KLHDC2: variants seen among roughly 807,000 people sequenced by gnomAD.
KLHDC2 encodes the protein kelch domain-containing protein 2.
KLHDC2 carries 38 observed loss-of-function variants against 62.3 expected under a neutral mutation model. That is an observed-to-expected ratio of 0.61 (90% CI 0.47 to 0.80). The LOEUF (loss-of-function observed/expected upper bound fraction) is 0.80, where lower values mean the gene tolerates loss of function less well. Ranked by LOEUF, KLHDC2 falls within the 30% of genes least tolerant of loss-of-function variation. The pLI is 0.00. For missense variants in KLHDC2, 430 were observed against 495.3 expected, an observed-to-expected ratio of 0.87 and a Z score of 1.25; for synonymous variants, 159 against 161.0, an observed-to-expected ratio of 0.99 and a Z score of 0.09.
chr14:49,782,910 G>A lies in KLHDC2; in HGVS notation c.1178G>A (p.Ser393Asn), dbSNP rs1566639739. The change falls in exon 13 of 13, where the codon AGT becomes AAT. Residue 393 changes from serine to asparagine, a missense_variant. By Grantham distance (46) the Ser-to-Asn change is conservative. Transcript: ENST00000298307. The stretch of plus-strand genomic sequence containing the variant: ...TGCCTTCCAAAACACTTACTTCACA[G>A]TGTTAATCAGAGGTTTGGTAGTAAC... The part of the protein sequence containing the change: ...WNCLPKHLLH[S>N]VNQRFGSNNT... 6.2e-7 allele frequency: 1 copy of A among 1,613,646 alleles called. No individual in the cohort carries two copies. Among genetic ancestry groups the A allele is most frequent in the Non-Finnish European group, 8.5e-7 (1 of 1,179,798 alleles).
In KLHDC2 at chr14:49,785,014, C is replaced by G; in HGVS notation, c.*2061C>G. On this transcript the variant is annotated 3_prime_UTR_variant, in exon 13 of 13. Transcript: ENST00000298307. ...AAGGCTGTTTTTGCAGCTGTAAATA[C>G]AAAAAAGAGTAAGAATAATCTACTG... 1 of 1,611,278 alleles carries G rather than the reference C, an allele frequency of 6.2e-7. No homozygotes were observed. Among genetic ancestry groups the G allele is most frequent in the Non-Finnish European group, 8.5e-7 (1 of 1,178,264 alleles).
At chr14:49,775,777 T>A (rs1010771650) in intron 3 of KLHDC2, among the ~76,000 whole-genome samples, 8 of 151,950 alleles carry the variant, frequency 5.3e-5, no homozygotes, top group African/African-American at 1.7e-4. Context: ...CAGGCATGCA[T>A]CACTACGCCC....
intron 5 of KLHDC2, 60 bp downstream of exon 5, chr14:49,778,319 T>C: frequency 7.3e-7 from 1 of 1,365,228 alleles, no homozygotes; most frequent in South Asian, 1.2e-5. Context: ...ATACATTTTA[T>C]AAGTTTTGTG....
At position 49,784,634 on chromosome 14, in the gene KLHDC2, A is replaced by C. The variant is rs774768175; in HGVS notation, c.*1681A>C. The C allele has an allele frequency of 1.9e-6, 3 of 1,600,036 alleles. No homozygotes were observed. In the African/African-American group the frequency reaches 4.0e-5, roughly 21 times the overall value. The stretch of plus-strand genomic sequence containing the variant: ...CTCAAATATTTTAGAATTTCATTTC[A>C]GCTATTTCCTTTTTACGTTCAGAAG... On this transcript the variant is annotated 3_prime_UTR_variant, in exon 13 of 13. Transcript: ENST00000298307.
intron 1 of KLHDC2, among the ~76,000 whole-genome samples, chr14:49,771,347 TAA>T (rs34165615): frequency 4.9e-5 from 7 of 141,956 alleles, no homozygotes; most frequent in Admixed American, 7.0e-5. Context: ...AGACTTGGAC[TAA>T]AAAAAAAAAA....
chr14:49,777,843 A>G lies in KLHDC2; in HGVS notation c.356A>G (p.Tyr119Cys). 3.2e-6 allele frequency: 5 copies of G among 1,545,298 alleles called. No homozygotes were observed. Among genetic ancestry groups the G allele is most frequent in the Non-Finnish European group, 2.6e-6 (3 of 1,133,688 alleles). ...HHSRGNTNKFYMLDSRSTDRV... is the reference protein window; with the variant it reads ...HHSRGNTNKFCMLDSRSTDRV... ...TGAAATCATTGCTTCTGACAGTTCT[A>G]CATGCTGGATTCAAGGTCTACAGAC... Residue 119 changes from tyrosine (Y) to cysteine (C), a missense_variant, in exon 4 of 13, where the codon TAC becomes TGC. Transcript: ENST00000298307.
intron 1 of KLHDC2, among the ~76,000 whole-genome samples, chr14:49,770,665 A>C (rs1039241254): frequency 1.3e-5 from 2 of 152,144 alleles, no homozygotes; most frequent in African/African-American, 4.8e-5. Context: ...CTTAAACTCT[A>C]AACTTGTTTT....
chr14:49,773,696 C>G (rs980938371), intron 2 of KLHDC2, among the ~76,000 whole-genome samples: 6 of 151,532 alleles, frequency 4.0e-5, no homozygotes, highest in Non-Finnish European at 7.4e-5. Context: ...GTTGCCTCAG[C>G]CCCCTGAGTA....
chr14:49,769,515 C>A (rs1889616204), intron 1 of KLHDC2, among the ~76,000 whole-genome samples: 3 of 152,154 alleles, frequency 2.0e-5, no homozygotes, highest in Non-Finnish European at 4.4e-5. Flanking sequence ...TCATAGTTGA[C>A]CATTTTTGAG....
chr14:49,772,690 C>T (rs555709906), intron 2 of KLHDC2, among the ~76,000 whole-genome samples: 2 of 152,364 alleles, frequency 1.3e-5, no homozygotes, highest in Admixed American at 1.3e-4. Context: ...GATGCTGTGG[C>T]TCACGCCTGT....
intron 6 of KLHDC2, 112 bp from the exon 7 acceptor site, chr14:49,779,483 C>G (rs1047126333): frequency 6.1e-5 from 44 of 726,768 alleles, no homozygotes; most frequent in Non-Finnish European, 7.9e-5. Flanking sequence ...TCTACACTCC[C>G]AACTTTTAAA....
Position 49,768,165 on chromosome 14 carries a change from A to C in KLHDC2, c.-304A>C. On this transcript the variant is annotated 5_prime_UTR_variant, in exon 1 of 13. Coordinates refer to ENST00000298307, the MANE Select transcript of KLHDC2 (RefSeq NM_014315.3). Reference sequence around the variant, plus strand: ...CAGGAGGCGGGGCAGACGGGCTGCAATAGGGAGCCGGCCCGACGCGGACCG... The same window carrying C: ...CAGGAGGCGGGGCAGACGGGCTGCACTAGGGAGCCGGCCCGACGCGGACCG... The C allele has an allele frequency of 4.5e-6, 1 of 222,864 alleles. No individual in the cohort carries two copies. Among genetic ancestry groups the C allele is most frequent in the Non-Finnish European group, 8.7e-6 (1 of 115,216 alleles). 13.8% of individuals were successfully genotyped at this position (222,864 alleles called of 1,614,324 possible).
intron 6 of KLHDC2, among the ~76,000 whole-genome samples, chr14:49,779,261 AAAT>A (rs1456580418): frequency 6.6e-6 from 1 of 152,200 alleles, no homozygotes; most frequent in Non-Finnish European, 1.5e-5. Flanking sequence ...TGTATTACTT[AAAT>A]ATTAGATTTC....
chr14:49,777,755 TATC>T, intron 3 of KLHDC2, 81 bp from the exon 4 acceptor site: 1 of 752,920 alleles, frequency 1.3e-6, no homozygotes, highest in Non-Finnish European at 2.2e-6. Flanking sequence ...ATGGCACTCT[TATC>T]ATAAATCATA....
rs138570288 is a variant in KLHDC2 at position 49,782,281 on chromosome 14, T to C, written c.957-89T>C. The C allele has an allele frequency of 1.5e-3, 1,192 of 791,718 alleles. 5 individuals carry two copies. In the Middle Eastern group the frequency reaches 0.018, roughly 12 times the overall value. The allele number at this position is 791,718 out of a possible 1,614,324, so 49.0% of individuals were successfully genotyped here. On this transcript the variant is annotated intron_variant, in intron 10 of 12. Transcript: ENST00000298307. ...TTGGTCTGAACTACCTTAAGATCGCTAGTCTTTATTTCATAGCTCTATTCT... is the reference window on the plus strand; with the variant it reads ...TTGGTCTGAACTACCTTAAGATCGCCAGTCTTTATTTCATAGCTCTATTCT...
At position 49,785,449 on chromosome 14, in the gene KLHDC2, C is replaced by G. The variant is rs1240819679; in HGVS notation, c.*2496C>G. On this transcript the variant is annotated 3_prime_UTR_variant, in exon 13 of 13. Coordinates refer to ENST00000298307, the MANE Select transcript of KLHDC2 (RefSeq NM_014315.3). ...GATATACATACCATCTAAGCTGGAACAGTGGTACTTAAACTCTGCTTCATA... is the reference window on the plus strand; with the variant it reads ...GATATACATACCATCTAAGCTGGAAGAGTGGTACTTAAACTCTGCTTCATA... 8 of 665,846 alleles carry G rather than the reference C, an allele frequency of 1.2e-5. No homozygotes were observed. In the African/African-American group the frequency reaches 1.4e-4, roughly 12 times the overall value. 41.2% of individuals were successfully genotyped at this position (665,846 alleles called of 1,614,324 possible). A position where few individuals can be genotyped will look rare whatever the true frequency, so the allele number is the denominator to read the frequency against.
chr14:49,779,883 G>T, intron 8 of KLHDC2, 77 bp downstream of exon 8: 1 of 997,224 alleles, frequency 1.0e-6, no homozygotes, highest in Non-Finnish European at 1.6e-6. Flanking sequence ...GGTATATAAT[G>T]TCCTTGCTTA....
chr14:49,768,591 G>A lies in KLHDC2; in HGVS notation c.123G>A (p.Gly41=), dbSNP rs961244340. Residue 41 remains glycine (G), a synonymous_variant, in exon 1 of 13, where the codon GGG becomes GGA. Transcript: ENST00000298307. ...ERSGHVAVSD[G]RHMFVWGGYK... ...GCGGCCACGTAGCCGTCAGCGACGG[G>A]CGCCACATGTTCGTCTGGGGCGGCT... The A allele has an allele frequency of 6.2e-7, 1 of 1,602,588 alleles. No individual in the cohort carries two copies. Among genetic ancestry groups the A allele is most frequent in the African/African-American group, 1.3e-5 (1 of 74,154 alleles).
At chr14:49,779,992 T>C in intron 8 of KLHDC2, 186 bp downstream of exon 8, 1 of 619,526 alleles carries the variant, frequency 1.6e-6, no homozygotes. Context: ...ATGTGCCTAG[T>C]ACATAGCATG....
Sources: gnomAD v4.1 joint callset for allele counts (sites outside exome capture counted in the v4.1 genomes callset) on GRCh38, gnomAD v4.1.1 for gene constraint, MANE v1.5 for transcripts, NCBI Gene and HGNC (gene_info 2026-07-23, HGNC 2026-07-21) for gene names.